Variants in DCHS2 observed in about 807,000 individuals in gnomAD.
DCHS2 encodes the protein protocadherin-23.
A neutral mutation model predicts 182.4 loss-of-function variants in DCHS2; 142 were observed. That is an observed-to-expected ratio of 0.78 (90% CI 0.68 to 0.89). The LOEUF is 0.89. Ranked by LOEUF, DCHS2 falls within the 40% of genes least tolerant of loss-of-function variation. The pLI is 0.00. For missense variants in DCHS2, 4,319 were observed against 4,198.6 expected, an observed-to-expected ratio of 1.03 and a Z score of -0.79; for synonymous variants, 1,740 against 1,663.3, an observed-to-expected ratio of 1.05 and a Z score of -1.12.
rs532689083 is a variant in DCHS2, at chr4:154,313,635, GA to G, written c.5260+2112del. Among the ~76,000 whole-genome samples, 893 of 149,730 alleles carry G rather than the reference GA, an allele frequency of 6.0e-3. 9 individuals carry two copies. Among genetic ancestry groups the G allele is most frequent in the African/African-American group, 0.021 (865 of 40,864 alleles). On this transcript the variant is annotated intron_variant, in intron 10 of 19. Transcript: ENST00000357232. ...TTGTTTTAACCCAATAATCAAAAAA[GA>G]AAAAAAAAGATTGAGGGAAAATATA...
intron 1 of DCHS2, among the ~76,000 whole-genome samples, chr4:154,403,438 A>T (rs1041753744): frequency 6.6e-6 from 1 of 152,080 alleles, no homozygotes; most frequent in Non-Finnish European, 1.5e-5. Context: ...TTTTTCTAGT[A>T]ATGTGGCTAA....
chr4:154,317,310 T>G (rs994201269), intron 9 of DCHS2, among the ~76,000 whole-genome samples: 2 of 152,244 alleles, frequency 1.3e-5, no homozygotes. Flanking sequence ...CTTAGCCATC[T>G]TGGAACACAT....
At chr4:154,478,278 T>G (rs1318127540) in intron 1 of DCHS2, among the ~76,000 whole-genome samples, 2 of 152,200 alleles carry the variant, frequency 1.3e-5, no homozygotes, top group Non-Finnish European at 2.9e-5. Flanking sequence ...GAAATTGAAA[T>G]GCAAGAATAC....
At chr4:154,446,944 GCA>G (rs1412711791) in intron 1 of DCHS2, among the ~76,000 whole-genome samples, 1 of 146,532 alleles carries the variant, frequency 6.8e-6, no homozygotes, top group African/African-American at 2.5e-5. Flanking sequence ...CTACACACAG[GCA>G]CACTCATACA....
chr4:154,451,272 C>T (rs1447217791), intron 1 of DCHS2, among the ~76,000 whole-genome samples: 1 of 152,138 alleles, frequency 6.6e-6, no homozygotes, highest in African/African-American at 2.4e-5. Flanking sequence ...CAAAGCCCTG[C>T]CATTCTCTGC....
At chr4:154,272,991 G>A (rs149532686) in intron 13 of DCHS2, among the ~76,000 whole-genome samples, 2 of 152,024 alleles carry the variant, frequency 1.3e-5, no homozygotes, top group Admixed American at 6.6e-5. Flanking sequence ...CTTCTACGCT[G>A]TTGGTGAAAA....
intron 1 of DCHS2, among the ~76,000 whole-genome samples, chr4:154,431,375 CAACATACCAGT>C (rs1209213696): frequency 6.6e-6 from 1 of 152,024 alleles, no homozygotes; most frequent in African/African-American, 2.4e-5. Flanking sequence ...AGTACTGGTT[CAACATACCAGT>C]ATCATTCAGC....
intron 15 of DCHS2, 93 bp downstream of exon 15, chr4:154,259,452 G>C (rs1048328410): frequency 1.3e-6 from 2 of 1,527,740 alleles, no homozygotes; most frequent in Non-Finnish European, 1.8e-6. Flanking sequence ...AAATTTTTAT[G>C]TACATTGACT....
intron 1 of DCHS2, among the ~76,000 whole-genome samples, chr4:154,414,005 G>T (rs551865613): frequency 1.3e-5 from 2 of 151,908 alleles, no homozygotes; most frequent in East Asian, 3.9e-4. Flanking sequence ...TCATTTATTT[G>T]CTTACTGGGG....
At chr4:154,404,061 G>A (rs560414418) in intron 1 of DCHS2, among the ~76,000 whole-genome samples, 248 of 151,812 alleles carry the variant, frequency 1.6e-3, no homozygotes, top group Non-Finnish European at 2.8e-3. Flanking sequence ...TAATATTTGT[G>A]TTCTACTTCA....
intron 1 of DCHS2, among the ~76,000 whole-genome samples, chr4:154,410,903 G>A (rs888439768): frequency 6.6e-6 from 1 of 152,134 alleles, no homozygotes; most frequent in Non-Finnish European, 1.5e-5. Context: ...ACATATATAG[G>A]AATCCCCACT....
chr4:154,246,017 C>A (rs1320199045), intron 16 of DCHS2, among the ~76,000 whole-genome samples: 1 of 152,090 alleles, frequency 6.6e-6, no homozygotes, highest in Non-Finnish European at 1.5e-5. Context: ...TCTGCACCAT[C>A]TCTCAATTTT....
At chr4:154,448,685 C>T (rs747711203) in intron 1 of DCHS2, among the ~76,000 whole-genome samples, 12 of 152,196 alleles carry the variant, frequency 7.9e-5, no homozygotes, top group South Asian at 4.1e-4. Context: ...ATCCTTAACA[C>T]GGCCCCCTGC....
chr4:154,267,532 A>T (rs573234168), intron 14 of DCHS2, among the ~76,000 whole-genome samples: 3 of 152,170 alleles, frequency 2.0e-5, no homozygotes, highest in Non-Finnish European at 4.4e-5. Context: ...ACATAGGCAG[A>T]TAATTTTTTG....
intron 3 of DCHS2, among the ~76,000 whole-genome samples, chr4:154,337,137 C>T (rs530840894): frequency 1.2e-3 from 176 of 152,202 alleles, no homozygotes; most frequent in Non-Finnish European, 2.0e-3. Context: ...GTTATTGGTG[C>T]AGTTTCTAAA....
At chr4:154,420,329 A>T (rs1282950879) in intron 1 of DCHS2, among the ~76,000 whole-genome samples, 1 of 152,158 alleles carries the variant, frequency 6.6e-6, no homozygotes, top group African/African-American at 2.4e-5. Context: ...ACATACATAG[A>T]TGGATGTGAG....
At position 154,489,333 on chromosome 4, in the gene DCHS2, G is replaced by A. The variant is rs545238481; in HGVS notation, c.2023C>T (p.His675Tyr). ...RQVYNATIAE[H>Y]APVGHCFLQV... ...AGAAAGCAGTGTCCAACCGGGGCAT[G>A]CTCTGCAATGGTGGCATTGTACACC... The change falls in exon 1 of 20, where the codon CAT (histidine) becomes TAT (tyrosine). Residue 675 changes from histidine to tyrosine, a missense_variant. His to Tyr is a moderately conservative substitution (Grantham distance 83). Coordinates refer to ENST00000357232, the MANE Select transcript of DCHS2 (RefSeq NM_001358235.2). 1.2e-5 allele frequency: 19 copies of A among 1,537,026 alleles called. No individual in the cohort carries two copies. In the South Asian group the frequency reaches 2.3e-4, roughly 19 times the overall value.
intron 15 of DCHS2, among the ~76,000 whole-genome samples, chr4:154,258,303 G>A (rs1732800685): frequency 6.7e-6 from 1 of 148,692 alleles, no homozygotes; most frequent in Non-Finnish European, 1.5e-5. Context: ...AGACTCTATT[G>A]GTCTTGTTTT....
chr4:154,345,333 A>C (rs1425176621), intron 3 of DCHS2, among the ~76,000 whole-genome samples: 2 of 152,100 alleles, frequency 1.3e-5, no homozygotes, highest in African/African-American at 4.8e-5. Context: ...TCTATACTAA[A>C]TTATTTCTGT....
Sources: gnomAD v4.1 joint callset for allele counts (sites outside exome capture counted in the v4.1 genomes callset) on GRCh38, gnomAD v4.1.1 for gene constraint, MANE v1.5 for transcripts, NCBI Gene and HGNC (gene_info 2026-07-23, HGNC 2026-07-21) for gene names.